The following GRB14 variants were observed in gnomAD, a reference collection of about 807,000 sequenced individuals.
The protein encoded by GRB14 is growth factor receptor-bound protein 14.
A neutral mutation model predicts 69.1 loss-of-function variants in GRB14; 38 were observed. The observed-to-expected ratio is 0.55, with a 90% CI of 0.42 to 0.72. The LOEUF is 0.72. Among genes scored for constraint, GRB14 ranks in the 30% least tolerant of loss-of-function variants. The pLI, the probability that GRB14 is intolerant of heterozygous loss-of-function variation, is 0.00. For missense variants in GRB14, 666 were observed against 666.1 expected (o/e 1.00, Z 0.00); for synonymous variants, 247 against 241.3 (o/e 1.02, Z -0.22).
chr2:164,494,630 C>G, intron 12 of GRB14, 106 bp from the exon 13 acceptor site: 1 of 741,824 alleles, frequency 1.3e-6, no homozygotes, highest in South Asian at 1.5e-5. Context: ...TAGCTGGGGA[C>G]TCCTTTACTA....
At chr2:164,515,655 A>C (rs1351747643) in intron 6 of GRB14, among the ~76,000 whole-genome samples, 1 of 152,194 alleles carries the variant, frequency 6.6e-6, no homozygotes, top group African/African-American at 2.4e-5. Flanking sequence ...AAAACAAGTT[A>C]CTTCTTACCC....
intron 3 of GRB14, among the ~76,000 whole-genome samples, chr2:164,544,724 G>A (rs1217021293): frequency 1.3e-5 from 2 of 152,152 alleles, no homozygotes; most frequent in Admixed American, 6.5e-5. Flanking sequence ...AAAGTCAGTT[G>A]CACTATTGTA....
At chr2:164,517,441 G>T (rs1219633130) in intron 6 of GRB14, among the ~76,000 whole-genome samples, 1 of 151,946 alleles carries the variant, frequency 6.6e-6, no homozygotes, top group African/African-American at 2.4e-5. Flanking sequence ...ACAAAAACAT[G>T]ATGAAAAAAG....
At chr2:164,507,575 C>T (rs1687225012) in intron 8 of GRB14, among the ~76,000 whole-genome samples, 1 of 152,116 alleles carries the variant, frequency 6.6e-6, no homozygotes, top group South Asian at 2.1e-4. Context: ...AATGTTAATG[C>T]TCTTATTTTA....
intron 2 of GRB14, among the ~76,000 whole-genome samples, chr2:164,572,484 GGGAA>G (rs768017668): frequency 6.6e-6 from 1 of 152,118 alleles, no homozygotes; most frequent in Non-Finnish European, 1.5e-5. Flanking sequence ...TTGAGAGGTG[GGGAA>G]GGAAGGAAAG....
chr2:164,535,378 A>G (rs960217250), intron 3 of GRB14, among the ~76,000 whole-genome samples: 2 of 152,212 alleles, frequency 1.3e-5, no homozygotes, highest in African/African-American at 4.8e-5. Flanking sequence ...AAAAACCTCA[A>G]TCCTCCAAGA....
At chr2:164,549,898 TAAAA>T (rs1688489807) in intron 2 of GRB14, among the ~76,000 whole-genome samples, 1 of 147,662 alleles carries the variant, frequency 6.8e-6, no homozygotes, top group Non-Finnish European at 1.5e-5. Context: ...TAAAATAAAA[TAAAA>T]TAAAATAAAA....
At chr2:164,567,450 A>T (rs1559054503) in intron 2 of GRB14, among the ~76,000 whole-genome samples, 1 of 152,178 alleles carries the variant, frequency 6.6e-6, no homozygotes, top group Non-Finnish European at 1.5e-5. Context: ...ACAGTTAACT[A>T]TTAAAAGTTG....
At chr2:164,559,901 T>A (rs535622913) in intron 2 of GRB14, among the ~76,000 whole-genome samples, 62 of 152,366 alleles carry the variant, frequency 4.1e-4, no homozygotes, top group Non-Finnish European at 7.9e-4. Context: ...TACATTTTTC[T>A]AAATATTTAT....
At chr2:164,552,351 C>T (rs1408195729) in intron 2 of GRB14, among the ~76,000 whole-genome samples, 2 of 152,164 alleles carry the variant, frequency 1.3e-5, no homozygotes, top group Non-Finnish European at 2.9e-5. Flanking sequence ...ATATGTGGAG[C>T]GAGGGAACTT....
At chr2:164,572,656 T>C (rs560938573) in intron 2 of GRB14, among the ~76,000 whole-genome samples, 5 of 152,316 alleles carry the variant, frequency 3.3e-5, no homozygotes, top group Admixed American at 1.3e-4. Context: ...TTCTTTCTCA[T>C]ACACCAGTTT....
chr2:164,575,223 A>T (rs1689224609), intron 2 of GRB14, among the ~76,000 whole-genome samples: 1 of 152,170 alleles, frequency 6.6e-6, no homozygotes, highest in Non-Finnish European at 1.5e-5. Flanking sequence ...ATTCAATCAA[A>T]CTCATTAATT....
intron 6 of GRB14, among the ~76,000 whole-genome samples, chr2:164,515,236 C>T (rs915705652): frequency 5.9e-5 from 9 of 152,164 alleles, no homozygotes; most frequent in African/African-American, 1.7e-4. Flanking sequence ...GTGCCAACTC[C>T]GGGCTGCAGG....
chr2:164,588,035 G>A (rs1319219262), intron 2 of GRB14, among the ~76,000 whole-genome samples: 2 of 152,152 alleles, frequency 1.3e-5, no homozygotes, highest in Non-Finnish European at 2.9e-5. Flanking sequence ...CACATTGGAA[G>A]CATGGTGGTC....
At chr2:164,591,447 G>A (rs1689661826) in intron 2 of GRB14, among the ~76,000 whole-genome samples, 1 of 152,206 alleles carries the variant, frequency 6.6e-6, no homozygotes, top group Admixed American at 6.5e-5. Context: ...AGACCCTCAG[G>A]CCCAGGGTGC....
chr2:164,559,857 C>A (rs933161695), intron 2 of GRB14, among the ~76,000 whole-genome samples: 4 of 152,132 alleles, frequency 2.6e-5, no homozygotes, highest in African/African-American at 7.2e-5. Flanking sequence ...TTAAAGGAAT[C>A]TCCATACTGT....
At chr2:164,577,860 A>G (rs1689290286) in intron 2 of GRB14, among the ~76,000 whole-genome samples, 1 of 152,228 alleles carries the variant, frequency 6.6e-6, no homozygotes, top group African/African-American at 2.4e-5. Context: ...CATACTCTAA[A>G]ATAGACTGTA....
chr2:164,586,529 TA>T (rs1319179422), intron 2 of GRB14, among the ~76,000 whole-genome samples: 1 of 152,186 alleles, frequency 6.6e-6, no homozygotes, highest in Admixed American at 6.6e-5. Flanking sequence ...CCTTGTTATT[TA>T]ACATTATGTG....
At chr2:164,568,955 A>T (rs1251110103) in intron 2 of GRB14, among the ~76,000 whole-genome samples, 1 of 152,118 alleles carries the variant, frequency 6.6e-6, no homozygotes, top group Non-Finnish European at 1.5e-5. Context: ...ATATATATTA[A>T]TATCTTTCAT....
Sources: allele counts gnomAD v4.1 joint callset (sites outside exome capture counted in the v4.1 genomes callset), GRCh38; gene constraint gnomAD v4.1.1; transcripts MANE v1.5; gene names NCBI Gene and HGNC (gene_info 2026-07-23, HGNC 2026-07-21).